The following MIPEP variants were observed in gnomAD, a reference collection of about 807,000 sequenced individuals.
MIPEP encodes mitochondrial intermediate peptidase.
Under a neutral mutation model 90.3 loss-of-function variants are expected in MIPEP, and 79 were observed. The observed-to-expected ratio is 0.87, with a 90% CI of 0.73 to 1.05. The LOEUF (loss-of-function observed/expected upper bound fraction) is 1.05. MIPEP is among the 50% of genes least tolerant of loss of function. MIPEP has a pLI of 0.00. For missense variants in MIPEP, 940 were observed against 905.6 expected, an observed-to-expected ratio of 1.04 and a Z score of -0.49; for synonymous variants, 334 against 315.8, an observed-to-expected ratio of 1.06 and a Z score of -0.61.
chr13:23,747,414 G>A (rs1360387468), intron 18 of MIPEP: 1 of 389,840 alleles, frequency 2.6e-6, no homozygotes, highest in East Asian at 7.1e-5. Flanking sequence ...CTTTCTTCTA[G>A]TGGTGTCCCC....
At chr13:23,844,942 A>C (rs1351394134) in intron 10 of MIPEP, among the ~76,000 whole-genome samples, 1 of 152,170 alleles carries the variant, frequency 6.6e-6, no homozygotes, top group Non-Finnish European at 1.5e-5. Context: ...CACCTCAAAA[A>C]TATTAACAAT....
At chr13:23,862,202 T>C in intron 9 of MIPEP, 100 bp downstream of exon 9, 4 of 721,462 alleles carry the variant, frequency 5.5e-6, no homozygotes, top group Non-Finnish European at 4.8e-6. Flanking sequence ...CAAGACTAAA[T>C]GGACCTGTAG....
chr13:23,786,869 T>C (rs1020060883), intron 16 of MIPEP, among the ~76,000 whole-genome samples: 5 of 152,208 alleles, frequency 3.3e-5, no homozygotes, highest in African/African-American at 1.2e-4. Flanking sequence ...ATTTTAAGGC[T>C]AAAGTAGTCA....
At chr13:23,812,249 G>T (rs1485954712) in intron 14 of MIPEP, among the ~76,000 whole-genome samples, 1 of 152,130 alleles carries the variant, frequency 6.6e-6, no homozygotes, top group Admixed American at 6.6e-5. Context: ...ACCCTGAAAG[G>T]CTTGATGGAT....
chr13:23,766,578 C>T (rs1488037925), intron 16 of MIPEP, among the ~76,000 whole-genome samples: 1 of 152,248 alleles, frequency 6.6e-6, no homozygotes, highest in African/African-American at 2.4e-5. Flanking sequence ...TGCTCTCTCT[C>T]TCTCTCTCAC....
chr13:23,738,341 T>C (rs1395411933), intron 18 of MIPEP, among the ~76,000 whole-genome samples: 1 of 152,082 alleles, frequency 6.6e-6, no homozygotes, highest in Non-Finnish European at 1.5e-5. Context: ...TCATCAGCTA[T>C]TGTTAATGTA....
intron 18 of MIPEP, among the ~76,000 whole-genome samples, chr13:23,739,459 C>T (rs983449201): frequency 2.6e-5 from 4 of 152,202 alleles, no homozygotes; most frequent in Non-Finnish European, 5.9e-5. Flanking sequence ...AAACACACAC[C>T]TAAGAAGCTT....
At chr13:23,836,058 G>T (rs1869026469) in intron 14 of MIPEP, among the ~76,000 whole-genome samples, 182 bp downstream of exon 14, 1 of 152,094 alleles carries the variant, frequency 6.6e-6, no homozygotes, top group African/African-American at 2.4e-5. Flanking sequence ...TATATGCTAG[G>T]ACTATGATTT....
rs1295633252 is a variant in MIPEP, at chr13:23,889,171, C to A, written c.150G>T (p.Lys50Asn). The change falls in exon 1 of 19, where the codon AAG (lysine) becomes AAT (asparagine). Residue 50 changes from lysine (K) to asparagine (N), a missense_variant. By Grantham distance (94) the Lys-to-Asn change is moderately conservative. Transcript: ENST00000382172. ...ACAGGTCCAAGCGGCTGCCCTGGGG[C>A]TTGACATTGAAGGCGGCGCCCACGG... ...WSPVGAAFNV[K>N]PQGSRLDLFG... The A allele has an allele frequency of 6.8e-7, 1 of 1,467,356 alleles. No individual in the cohort carries two copies. The highest frequency in any genetic ancestry group is 2.9e-5 in the East Asian group (1 of 34,286). 90.9% of individuals were successfully genotyped at this position (1,467,356 alleles called of 1,614,324 possible). A position where few individuals can be genotyped will look rare whatever the true frequency, so the allele number is the denominator to read the frequency against.
intron 14 of MIPEP, among the ~76,000 whole-genome samples, chr13:23,832,145 T>C (rs553265268): frequency 6.7e-4 from 102 of 152,124 alleles, no homozygotes; most frequent in Non-Finnish European, 1.3e-3. Flanking sequence ...AATTCATCCA[T>C]TGATTATAAT....
chr13:23,871,627 T>C (rs1051326312), intron 5 of MIPEP, among the ~76,000 whole-genome samples: 5 of 152,210 alleles, frequency 3.3e-5, no homozygotes, highest in Non-Finnish European at 7.4e-5. Context: ...ACAATACTAA[T>C]ATACTTTTTA....
At chr13:23,841,223 G>A in intron 11 of MIPEP, 112 bp downstream of exon 11, 1 of 857,420 alleles carries the variant, frequency 1.2e-6, no homozygotes, top group Non-Finnish European at 1.8e-6. Flanking sequence ...AAATAAGGCA[G>A]GGGACACACT....
intron 10 of MIPEP, among the ~76,000 whole-genome samples, chr13:23,852,471 T>G (rs1869839201): frequency 6.6e-6 from 1 of 152,202 alleles, no homozygotes; most frequent in African/African-American, 2.4e-5. Flanking sequence ...TATGCTACAG[T>G]GGGTGGTCCC....
intron 14 of MIPEP, among the ~76,000 whole-genome samples, chr13:23,821,918 A>T (rs890061913): frequency 6.6e-6 from 1 of 152,166 alleles, no homozygotes; most frequent in African/African-American, 2.4e-5. Context: ...TGGTTAGTTG[A>T]CTGTGTGGAC....
At position 23,841,629 on chromosome 13, in the gene MIPEP, G is replaced by A. The variant is rs530020255; in HGVS notation, c.1107-141C>T. 4.3e-6 allele frequency: 4 copies of A among 933,064 alleles called. No individual in the cohort carries two copies. The African/African-American group carries it at 5.1e-5, about 12-fold the overall frequency. The allele number at this position is 933,064 out of a possible 1,614,324, so 57.8% of individuals were successfully genotyped here. A position where few individuals can be genotyped will look rare whatever the true frequency, so the allele number is the denominator to read the frequency against. ...ACATAAAAGTGTATTTATATCATTT[G>A]AGGGGTTTTCAGACAGTTTTCTTCA... On this transcript the variant is annotated intron_variant, in intron 10 of 18. Coordinates refer to ENST00000382172, the MANE Select transcript of MIPEP (RefSeq NM_005932.4).
At chr13:23,831,343 A>G (rs1868725982) in intron 14 of MIPEP, among the ~76,000 whole-genome samples, 1 of 124,514 alleles carries the variant, frequency 8.0e-6, no homozygotes, top group Non-Finnish European at 1.6e-5. Context: ...CTGAGTACCC[A>G]AATGATCTGG....
chr13:23,853,373 G>C lies in MIPEP; in HGVS notation c.1106+5487C>G, dbSNP rs115565427. On this transcript the variant is annotated intron_variant, in intron 10 of 18. Transcript: ENST00000382172. ...CCTATTTTCACCATACCTTTTCCAT[G>C]TTTAGATGCATATATACTTATCATG... Among the ~76,000 whole-genome samples, 654 of 152,130 alleles carry C rather than the reference G, an allele frequency of 4.3e-3. 2 individuals are homozygous for C. The highest frequency in any genetic ancestry group is 0.015 in the African/African-American group (627 of 41,476).
chr13:23,775,770 C>T (rs1275828382), intron 16 of MIPEP, among the ~76,000 whole-genome samples: 1 of 152,122 alleles, frequency 6.6e-6, no homozygotes, highest in Non-Finnish European at 1.5e-5. Flanking sequence ...AAAATCAAGG[C>T]AATCTCCAAG....
At chr13:23,746,143 T>C (rs548399504) in intron 18 of MIPEP, among the ~76,000 whole-genome samples, 1 of 149,962 alleles carries the variant, frequency 6.7e-6, no homozygotes, top group South Asian at 2.1e-4. Context: ...GCCTCCCGAG[T>C]AGCTGGGGCT....
Sources: gnomAD v4.1 joint callset for allele counts (sites outside exome capture counted in the v4.1 genomes callset) on GRCh38, gnomAD v4.1.1 for gene constraint, MANE v1.5 for transcripts, NCBI Gene and HGNC (gene_info 2026-07-23, HGNC 2026-07-21) for gene names.